ZDHHC15: variants seen among roughly 807,000 people sequenced by gnomAD.
ZDHHC15 encodes the protein palmitoyltransferase ZDHHC15.
ZDHHC15 carries 19 observed loss-of-function variants against 31.7 expected under a neutral mutation model. The ratio of observed to expected loss-of-function variants is 0.60; its 90% CI spans 0.42 to 0.88. The LOEUF (loss-of-function observed/expected upper bound fraction) is 0.88. Among genes scored for constraint, ZDHHC15 ranks in the 40% least tolerant of loss-of-function variants. The pLI is 0.00. For missense variants in ZDHHC15, 209 were observed against 251.2 expected, an observed-to-expected ratio of 0.83 and a Z score of 1.14; for synonymous variants, 103 against 90.0, an observed-to-expected ratio of 1.14 and a Z score of -0.82.
At chrX:75,424,011 A>T (rs1303268046) in intron 8 of ZDHHC15, among the ~76,000 whole-genome samples, 3 of 111,555 alleles carry the variant, frequency 2.7e-5, no homozygotes, top group African/African-American at 9.8e-5. Context: ...ACTGGAATCC[A>T]TCAGTAATAT....
chrX:75,419,267 A>T (rs1314072089), intron 9 of ZDHHC15, among the ~76,000 whole-genome samples: 2 of 111,531 alleles, frequency 1.8e-5, no homozygotes, highest in South Asian at 3.8e-4. Context: ...AAAACAAACA[A>T]CCCCATCAAA....
intron 1 of ZDHHC15, among the ~76,000 whole-genome samples, chrX:75,509,306 G>T (rs972113480): frequency 9.0e-6 from 1 of 111,642 alleles, no homozygotes; most frequent in Non-Finnish European, 1.9e-5. Context: ...TCTTCAACAT[G>T]TTATCCACAT....
intron 2 of ZDHHC15, among the ~76,000 whole-genome samples, chrX:75,489,305 C>T (rs1461108366): frequency 8.9e-6 from 1 of 112,032 alleles, no homozygotes; most frequent in African/African-American, 3.2e-5. Context: ...CAAGTGGGTC[C>T]CTGACCCCTG....
intron 10 of ZDHHC15, among the ~76,000 whole-genome samples, chrX:75,400,316 T>C (rs763087512): frequency 9.0e-6 from 1 of 111,398 alleles, no homozygotes; most frequent in African/African-American, 3.3e-5. Context: ...TAACAGAATA[T>C]AAGAATTTCA....
chrX:75,441,164 G>A (rs1038854439), intron 4 of ZDHHC15, among the ~76,000 whole-genome samples: 3 of 112,088 alleles, frequency 2.7e-5, no homozygotes, highest in Admixed American at 9.4e-5. Flanking sequence ...TTCTGTGCTC[G>A]TATCTATACT....
At chrX:75,443,296 C>G (rs1004578710) in intron 4 of ZDHHC15, among the ~76,000 whole-genome samples, 2 of 110,210 alleles carry the variant, frequency 1.8e-5, no homozygotes, top group Admixed American at 1.9e-4. Flanking sequence ...CAGAACAGAG[C>G]CCTCAGAAAT....
chrX:75,490,313 G>A (rs998598796), intron 2 of ZDHHC15, among the ~76,000 whole-genome samples: 2 of 111,674 alleles, frequency 1.8e-5, no homozygotes, highest in East Asian at 2.8e-4. Flanking sequence ...TTGAAATGAA[G>A]GAAAATATGT....
At chrX:75,387,708 G>T (rs760246445) in intron 10 of ZDHHC15, among the ~76,000 whole-genome samples, 5 of 111,790 alleles carry the variant, frequency 4.5e-5, no homozygotes, top group African/African-American at 1.6e-4. Flanking sequence ...GTACAAGAGG[G>T]AGTTGAGCAA....
chrX:75,382,595 T>C (rs1211508355), intron 10 of ZDHHC15, among the ~76,000 whole-genome samples: 1 of 112,260 alleles, frequency 8.9e-6, no homozygotes, highest in African/African-American at 3.2e-5. Context: ...GGCAGATGTG[T>C]TAAGAGGGAA....
At chrX:75,500,335 G>A (rs962313624) in intron 2 of ZDHHC15, among the ~76,000 whole-genome samples, 1 of 109,265 alleles carries the variant, frequency 9.2e-6, no homozygotes, top group Admixed American at 1.0e-4. Flanking sequence ...AATACTCGGA[G>A]ATCATTTTAA....
chrX:75,441,085 TG>T (rs1262215908), intron 4 of ZDHHC15, among the ~76,000 whole-genome samples: 2 of 111,900 alleles, frequency 1.8e-5, no homozygotes, highest in Non-Finnish European at 3.8e-5. Flanking sequence ...CATCTTGCCT[TG>T]CTACAAGCAT....
At chrX:75,479,807 C>T (rs2084661177) in intron 2 of ZDHHC15, among the ~76,000 whole-genome samples, 1 of 111,720 alleles carries the variant, frequency 9.0e-6, no homozygotes, top group Admixed American at 9.5e-5. Flanking sequence ...ATAATGGCCT[C>T]CAGTTCCATC....
intron 2 of ZDHHC15, among the ~76,000 whole-genome samples, chrX:75,494,207 C>T (rs1318276415): frequency 1.8e-5 from 2 of 110,986 alleles, no homozygotes; most frequent in African/African-American, 3.3e-5. Context: ...AATAAAATAC[C>T]TAGGAATCCA....
At chrX:75,457,981 T>A (rs1009811204) in intron 3 of ZDHHC15, among the ~76,000 whole-genome samples, 6 of 111,158 alleles carry the variant, frequency 5.4e-5, no homozygotes, top group African/African-American at 6.5e-5. Context: ...ATCAATCCCC[T>A]GTGGGTACTG....
intron 3 of ZDHHC15, among the ~76,000 whole-genome samples, chrX:75,473,791 T>C (rs1205470823): frequency 8.9e-6 from 1 of 112,127 alleles, no homozygotes; most frequent in South Asian, 3.7e-4. Context: ...TATTTGTGCA[T>C]GTATACACTC....
At chrX:75,504,174 A>C (rs1368125524) in intron 2 of ZDHHC15, among the ~76,000 whole-genome samples, 1 of 111,521 alleles carries the variant, frequency 9.0e-6, no homozygotes, top group Non-Finnish European at 1.9e-5. Flanking sequence ...TCTACAACCC[A>C]GTACAGGAAT....
intron 10 of ZDHHC15, among the ~76,000 whole-genome samples, chrX:75,407,880 C>T (rs911619541): frequency 3.3e-4 from 37 of 112,076 alleles, no homozygotes; most frequent in Non-Finnish European, 6.2e-4. Context: ...AATTCTTCTG[C>T]CTTGGGATGC....
intron 10 of ZDHHC15, 38 bp downstream of exon 10, chrX:75,417,049 G>T (rs770412724): frequency 2.9e-6 from 3 of 1,034,584 alleles, no homozygotes; most frequent in South Asian, 1.9e-5. Flanking sequence ...TACATTGGTT[G>T]TATTAATGTG....
In ZDHHC15 at chrX:75,426,013, A is replaced by G. The variant is rs1028769980; in HGVS notation, c.604-1229T>C. On this transcript the variant is annotated intron_variant, in intron 7 of 11. Coordinates refer to ENST00000373367, the MANE Select transcript of ZDHHC15 (RefSeq NM_144969.3). ...AGCAGCCCAGCAAAGAGCTACCTCA[A>G]GAACTTCAACCTTCAAGAATATTTA... 1.8e-5 allele frequency among the ~76,000 whole-genome samples: 2 copies of G among 111,608 alleles called. 1 individual carries two copies. The highest frequency in any genetic ancestry group is 1.9e-4 in the Admixed American group (2 of 10,424).
Sources: gnomAD v4.1 joint callset for allele counts (sites outside exome capture counted in the v4.1 genomes callset) on GRCh38, gnomAD v4.1.1 for gene constraint, MANE v1.5 for transcripts, NCBI Gene and HGNC (gene_info 2026-07-23, HGNC 2026-07-21) for gene names.